SLC35F1: variants seen among roughly 807,000 people sequenced by gnomAD.
SLC35F1 encodes the protein chromosome 6 open reading frame 169.
Under a neutral mutation model 48.7 loss-of-function variants are expected in SLC35F1, and 14 were observed. The observed-to-expected ratio is 0.29, with a 90% CI of 0.19 to 0.45. The LOEUF (loss-of-function observed/expected upper bound fraction) is 0.45, where lower values mean the gene tolerates loss of function less well. Among genes scored for constraint, SLC35F1 ranks in the 20% least tolerant of loss-of-function variants. The probability of loss-of-function intolerance (pLI) is 1.00; values close to 1 mark genes in which losing one functional copy is unlikely to be tolerated. For synonymous variants in SLC35F1, 190 were observed against 202.2 expected, an observed-to-expected ratio of 0.94 and a Z score of 0.51; for missense variants, 404 against 500.0, an observed-to-expected ratio of 0.81 and a Z score of 1.83.
intron 1 of SLC35F1, among the ~76,000 whole-genome samples, chr6:118,117,569 T>A (rs1160850785): frequency 6.6e-6 from 1 of 152,180 alleles, no homozygotes; most frequent in African/African-American, 2.4e-5. Flanking sequence ...TAGTCCAGGG[T>A]AAAATTTTTA....
intron 2 of SLC35F1, among the ~76,000 whole-genome samples, chr6:118,158,628 A>C (rs1179222666): frequency 6.6e-6 from 1 of 152,234 alleles, no homozygotes. Flanking sequence ...TTTCAAGAGC[A>C]TTAAGGGTGA....
At chr6:117,962,211 G>A (rs1187475143) in intron 1 of SLC35F1, among the ~76,000 whole-genome samples, 2 of 152,158 alleles carry the variant, frequency 1.3e-5, no homozygotes, top group African/African-American at 4.8e-5. Context: ...ATGAGCAGGG[G>A]ACTGCCTTTC....
chr6:118,022,493 G>C (rs1472471988), intron 1 of SLC35F1, among the ~76,000 whole-genome samples: 2 of 152,160 alleles, frequency 1.3e-5, no homozygotes, highest in African/African-American at 4.8e-5. Context: ...GAAGGACCAG[G>C]CTTGGATGGC....
At chr6:118,019,822 C>T (rs969350055) in intron 1 of SLC35F1, among the ~76,000 whole-genome samples, 1 of 152,102 alleles carries the variant, frequency 6.6e-6, no homozygotes, top group South Asian at 2.1e-4. Flanking sequence ...AGTTTTTAGC[C>T]ATAAATAACC....
At chr6:118,109,961 C>G (rs1482791439) in intron 1 of SLC35F1, among the ~76,000 whole-genome samples, 1 of 152,204 alleles carries the variant, frequency 6.6e-6, no homozygotes, top group Non-Finnish European at 1.5e-5. Context: ...ACTTTGGAAA[C>G]ACAGCCACTG....
At chr6:118,284,996 A>AT (rs36095110) in intron 6 of SLC35F1, among the ~76,000 whole-genome samples, 188 bp from the exon 7 acceptor site, 69,693 of 151,672 alleles carry the variant, frequency 0.46, 16,246 homozygotes, top group South Asian at 0.52. Context: ...TTCACACTTA[A>AT]TTTTTTTTAA....
intron 1 of SLC35F1, among the ~76,000 whole-genome samples, chr6:118,042,399 T>G (rs1217123771): frequency 6.6e-6 from 1 of 152,154 alleles, no homozygotes; most frequent in African/African-American, 2.4e-5. Context: ...TGCATAGAGT[T>G]TCAAAGGATG....
At chr6:117,964,962 G>A (rs1373670678) in intron 1 of SLC35F1, among the ~76,000 whole-genome samples, 1 of 152,088 alleles carries the variant, frequency 6.6e-6, no homozygotes, top group African/African-American at 2.4e-5. Flanking sequence ...ATAAGGGAGG[G>A]ATACGGAAGA....
intron 1 of SLC35F1, among the ~76,000 whole-genome samples, chr6:118,096,492 G>A (rs534810052): frequency 2.6e-5 from 4 of 152,298 alleles, no homozygotes; most frequent in East Asian, 1.9e-4. Flanking sequence ...AGTTTCTAGC[G>A]ATTGGGTATT....
chr6:118,185,638 C>T (rs1288013232), intron 2 of SLC35F1, among the ~76,000 whole-genome samples: 1 of 152,098 alleles, frequency 6.6e-6, no homozygotes, highest in East Asian at 1.9e-4. Context: ...TCAGACCTGG[C>T]AACAGTGAAT....
intron 3 of SLC35F1, among the ~76,000 whole-genome samples, chr6:118,248,414 T>A (rs773196303): frequency 1.3e-5 from 2 of 152,226 alleles, no homozygotes; most frequent in Non-Finnish European, 1.5e-5. Context: ...GGTGAGATTA[T>A]TCTGAATTAT....
rs750156956 is a variant in SLC35F1, at chr6:117,923,918, A to G, written c.173+16019A>G. 2.6e-3 allele frequency among the ~76,000 whole-genome samples: 397 copies of G among 150,364 alleles called. 3 individuals carry two copies. The highest frequency in any genetic ancestry group is 4.8e-3 in the Non-Finnish European group (327 of 67,438). Reference sequence around the variant, plus strand: ...TACACATATATGTGTGTGTACATATATACATATGTGTTATGTACTAGATTG... The same window carrying G: ...TACACATATATGTGTGTGTACATATGTACATATGTGTTATGTACTAGATTG... On this transcript the variant is annotated intron_variant, in intron 1 of 7. Transcript: ENST00000360388.
intron 1 of SLC35F1, among the ~76,000 whole-genome samples, chr6:117,996,012 T>G (rs1266783387): frequency 1.3e-5 from 2 of 152,228 alleles, no homozygotes; most frequent in African/African-American, 2.4e-5. Flanking sequence ...ATTTCCCATC[T>G]TTGTGGAAAT....
chr6:117,914,893 G>T (rs1775808832), intron 1 of SLC35F1, among the ~76,000 whole-genome samples: 1 of 151,464 alleles, frequency 6.6e-6, no homozygotes, highest in Non-Finnish European at 1.5e-5. Context: ...GTTTCACTTA[G>T]GGCTTAAAAA....
At chr6:118,117,203 CT>C (rs1428063829) in intron 1 of SLC35F1, among the ~76,000 whole-genome samples, 1 of 152,270 alleles carries the variant, frequency 6.6e-6, no homozygotes, top group Middle Eastern at 3.4e-3. Context: ...ACCAACACCC[CT>C]ATTTGCATAT....
At position 118,038,581 on chromosome 6, in the gene SLC35F1, A is replaced by G. The variant is rs139075197; in HGVS notation, c.174-115864A>G. Among the ~76,000 whole-genome samples the G allele has an allele frequency of 1.6e-3, 244 of 151,730 alleles. 2 individuals carry two copies. The highest frequency in any genetic ancestry group is 5.6e-3 in the African/African-American group (232 of 41,424). ...TAATCTGCTTTGTAGTTTTCAGTGT[A>G]CCTGTCTTTTCTTTTGTTAAATTTA... On this transcript the variant is annotated intron_variant, in intron 1 of 7. Coordinates refer to ENST00000360388, the MANE Select transcript of SLC35F1 (RefSeq NM_001029858.4).
intron 1 of SLC35F1, among the ~76,000 whole-genome samples, chr6:117,966,152 C>G (rs1441640126): frequency 6.6e-6 from 1 of 150,704 alleles, no homozygotes; most frequent in Non-Finnish European, 1.5e-5. Context: ...CACTCCCGCC[C>G]CGCCCCAAGC....
intron 3 of SLC35F1, among the ~76,000 whole-genome samples, chr6:118,246,601 G>A (rs10499086): frequency 6.6e-6 from 1 of 152,144 alleles, no homozygotes; most frequent in Admixed American, 6.5e-5. Context: ...CAGGCCGCTT[G>A]GTTCTCTGGT....
At chr6:118,061,538 C>T (rs575163837) in intron 1 of SLC35F1, among the ~76,000 whole-genome samples, 1 of 150,668 alleles carries the variant, frequency 6.6e-6, no homozygotes, top group East Asian at 1.9e-4. Context: ...TAGGTATAAA[C>T]ATAGACATAT....
Sources: allele counts gnomAD v4.1 joint callset (sites outside exome capture counted in the v4.1 genomes callset), GRCh38; gene constraint gnomAD v4.1.1; transcripts MANE v1.5; gene names NCBI Gene and HGNC (gene_info 2026-07-23, HGNC 2026-07-21).